The following BTBD8 variants were observed in gnomAD, a reference collection of about 807,000 sequenced individuals.
BTBD8 encodes BTB/POZ domain-containing protein 8.
In BTBD8, 110 loss-of-function variants were observed where a neutral mutation model predicts 162.9. The ratio of observed to expected loss-of-function variants is 0.68; its 90% CI spans 0.58 to 0.79. BTBD8 has a LOEUF of 0.79. Ranked by LOEUF, BTBD8 falls within the 30% of genes least tolerant of loss-of-function variation. The pLI is 0.00. For synonymous variants in BTBD8, 667 were observed against 716.1 expected, an observed-to-expected ratio of 0.93 and a Z score of 1.10; for missense variants, 1,905 against 2,085.4, an observed-to-expected ratio of 0.91 and a Z score of 1.68.
intron 9 of BTBD8, among the ~76,000 whole-genome samples, chr1:92,158,801 G>A (rs1296414953): frequency 6.6e-6 from 1 of 152,004 alleles, no homozygotes; most frequent in Non-Finnish European, 1.5e-5. Context: ...TTTAAGACAG[G>A]ATCTCACTCT....
intron 4 of BTBD8, among the ~76,000 whole-genome samples, chr1:92,118,803 C>CTTTTTTTTTTTT (rs386367658): frequency 1.0e-3 from 95 of 95,214 alleles, no homozygotes; most frequent in East Asian, 2.3e-3. Context: ...TTCTTTCTTT[C>CTTTTTTTTTTTT]TTTTTTTTTT....
chr1:92,105,018 C>T (rs545065940), intron 3 of BTBD8, among the ~76,000 whole-genome samples: 8 of 151,970 alleles, frequency 5.3e-5, no homozygotes, highest in South Asian at 4.1e-4. Flanking sequence ...TTGCAACCTC[C>T]GCCTCCCGGG....
At chr1:92,154,449 A>G (rs1650114284) in intron 9 of BTBD8, among the ~76,000 whole-genome samples, 1 of 152,146 alleles carries the variant, frequency 6.6e-6, no homozygotes, top group Non-Finnish European at 1.5e-5. Flanking sequence ...AAAACTTGTT[A>G]TCTTTTATTT....
intron 11 of BTBD8, 107 bp from the exon 12 acceptor site, chr1:92,168,759 T>G: frequency 8.6e-6 from 9 of 1,052,564 alleles, no homozygotes; most frequent in African/African-American, 1.6e-5. Flanking sequence ...ATCTAAATGA[T>G]GACATCATTG....
In BTBD8 at chr1:92,168,000, G is replaced by A; in HGVS notation, c.1443+15G>A. 2.6e-6 allele frequency: 4 copies of A among 1,520,980 alleles called. No homozygotes were observed. The allele number at this position is 1,520,980 out of a possible 1,614,324, so 94.2% of individuals were successfully genotyped here. A position where few individuals can be genotyped will look rare whatever the true frequency, so the allele number is the denominator to read the frequency against. The stretch of plus-strand genomic sequence containing the variant: ...CAAAGGAAATGGTACTGAATGTAAT[G>A]AAATTTATTAAAATAATGCAATATT... On this transcript the variant is annotated intron_variant, in intron 11 of 17. Coordinates refer to ENST00000636805, the MANE Select transcript of BTBD8 (RefSeq NM_001376131.1).
intron 7 of BTBD8, 119 bp downstream of exon 7, chr1:92,141,330 C>A: frequency 1.0e-6 from 1 of 1,004,568 alleles, no homozygotes. Flanking sequence ...GTAAATTTAA[C>A]TAATGAGAAC....
chr1:92,130,428 A>G (rs35959152), intron 5 of BTBD8, among the ~76,000 whole-genome samples: 33,856 of 151,170 alleles, frequency 0.22, 4,894 homozygotes, highest in South Asian at 0.35. Flanking sequence ...CAGTGACACA[A>G]TCATGGCTCA....
intron 13 of BTBD8, among the ~76,000 whole-genome samples, chr1:92,174,941 C>T (rs2100682464): frequency 6.6e-6 from 1 of 152,230 alleles, no homozygotes; most frequent in South Asian, 2.1e-4. Flanking sequence ...TCTTTGACAG[C>T]TTTTAATGTA....
At chr1:92,123,660 C>T (rs1649273106) in intron 4 of BTBD8, among the ~76,000 whole-genome samples, 1 of 150,354 alleles carries the variant, frequency 6.7e-6, no homozygotes, top group African/African-American at 2.5e-5. Flanking sequence ...CTTTGGGTGA[C>T]TACTAAACAT....
At chr1:92,088,594 C>G in intron 1 of BTBD8, 104 bp from the exon 2 acceptor site, 1 of 873,292 alleles carries the variant, frequency 1.1e-6, no homozygotes, top group Non-Finnish European at 1.6e-6. Flanking sequence ...TATGTTGCCT[C>G]TGTATTTTTT....
intron 2 of BTBD8, among the ~76,000 whole-genome samples, chr1:92,094,966 A>C (rs913405020): frequency 1.3e-5 from 2 of 152,182 alleles, no homozygotes; most frequent in East Asian, 3.8e-4. Context: ...TACTACAAGG[A>C]TTGAAAGTGG....
chr1:92,168,854 G>T lies in BTBD8; in HGVS notation c.1444-12G>T. The T allele has an allele frequency of 6.7e-7, 1 of 1,500,112 alleles. No individual in the cohort carries two copies. The highest frequency in any genetic ancestry group is 1.3e-5 in the South Asian group (1 of 78,296). 92.9% of individuals were successfully genotyped at this position (1,500,112 alleles called of 1,614,324 possible). On this transcript the variant is annotated splice_polypyrimidine_tract_variant and intron_variant, in intron 11 of 17. Transcript: ENST00000636805. Reference sequence around the variant, plus strand: ...GGCTCTCACCAGCTGCTGATTTGTTGCTTGAACACAGGGTTTTACGTGCAA... The same window carrying T: ...GGCTCTCACCAGCTGCTGATTTGTTTCTTGAACACAGGGTTTTACGTGCAA...
At chr1:92,168,629 G>T (rs1570754800) in intron 11 of BTBD8, among the ~76,000 whole-genome samples, 1 of 152,230 alleles carries the variant, frequency 6.6e-6, no homozygotes, top group Middle Eastern at 3.4e-3. Flanking sequence ...CATATCAAGG[G>T]CATTGGTGTT....
Position 92,181,724 on chromosome 1 carries a change from A to G in BTBD8, c.4041A>G (p.Pro1347=), listed in dbSNP as rs746307096. The G allele has an allele frequency of 1.7e-5, 26 of 1,551,628 alleles. No individual in the cohort carries two copies. The highest frequency in any genetic ancestry group is 3.3e-4 in the Middle Eastern group (2 of 5,996). The part of the protein sequence containing the change: ...TSDDEIPRKR[P]EIWSRSAIVH... ...ATGATGAAATCCCTAGGAAAAGGCCAGAAATTTGGTCTCGATCTGCAATAG... is the reference window on the plus strand; with the variant it reads ...ATGATGAAATCCCTAGGAAAAGGCCGGAAATTTGGTCTCGATCTGCAATAG... Residue 1347 remains proline (P), a synonymous_variant, in exon 17 of 18, where the codon CCA becomes CCG. Coordinates refer to ENST00000636805, the MANE Select transcript of BTBD8 (RefSeq NM_001376131.1).
Position 92,182,436 on chromosome 1 carries a change from C to T in BTBD8, c.4753C>T (p.His1585Tyr), listed in dbSNP as rs1169846488. 1.9e-6 allele frequency: 3 copies of T among 1,551,310 alleles called. No individual in the cohort carries two copies. The highest frequency in any genetic ancestry group is 2.6e-6 in the Non-Finnish European group (3 of 1,146,862). ...SDVKSQERPC[H>Y]LDLHQREPNS... ...TGTAAAATCTCAAGAAAGACCATGTCACTTGGATCTTCATCAAAGAGAACC... is the reference window on the plus strand; with the variant it reads ...TGTAAAATCTCAAGAAAGACCATGTTACTTGGATCTTCATCAAAGAGAACC... The change falls in exon 17 of 18, where the codon CAC (histidine) becomes TAC (tyrosine). Residue 1585 changes from histidine to tyrosine, a missense_variant. Transcript: ENST00000636805.
chr1:92,088,657 G>A (rs941989266), intron 1 of BTBD8, 41 bp from the exon 2 acceptor site: 2 of 1,424,448 alleles, frequency 1.4e-6, no homozygotes, highest in Non-Finnish European at 1.9e-6. Context: ...ACGTTTTTTA[G>A]TATCACTAAT....
intron 4 of BTBD8, chr1:92,126,544 C>A (rs537428822): frequency 4.0e-6 from 2 of 505,334 alleles, no homozygotes; most frequent in Non-Finnish European, 7.8e-6. Context: ...TCGCTATTTG[C>A]AGTGCCAAAT....
At chr1:92,140,255 T>TG (rs1553123882) in intron 6 of BTBD8, among the ~76,000 whole-genome samples, 10 of 65,494 alleles carry the variant, frequency 1.5e-4, no homozygotes, top group African/African-American at 4.0e-4. Flanking sequence ...ACCCGGTTCT[T>TG]GGGGGAAAAA....
At chr1:92,163,226 G>T (rs904631798) in intron 9 of BTBD8, among the ~76,000 whole-genome samples, 16 of 151,604 alleles carry the variant, frequency 1.1e-4, no homozygotes, top group Admixed American at 9.8e-4. Flanking sequence ...GTGGTGGCAG[G>T]CACCTGTAAT....
Sources: allele counts gnomAD v4.1 joint callset (sites outside exome capture counted in the v4.1 genomes callset), GRCh38; gene constraint gnomAD v4.1.1; transcripts MANE v1.5; gene names NCBI Gene and HGNC (gene_info 2026-07-23, HGNC 2026-07-21).